DHX40: variants seen among roughly 807,000 people sequenced by gnomAD.
DHX40 encodes probable ATP-dependent RNA helicase DHX40.
A neutral mutation model predicts 89.6 loss-of-function variants in DHX40; 28 were observed. The ratio of observed to expected loss-of-function variants is 0.31; its 90% CI spans 0.23 to 0.43. The LOEUF is 0.43. Among genes scored for constraint, DHX40 ranks in the 20% least tolerant of loss-of-function variants. The pLI, the probability that DHX40 is intolerant of heterozygous loss-of-function variation, is 1.00. For missense variants in DHX40, 457 were observed against 844.0 expected (o/e 0.54, Z 5.68); for synonymous variants, 226 against 283.6 (o/e 0.80, Z 2.04).
At chr17:59,566,522 C>A in intron 1 of DHX40, 105 bp from the exon 2 acceptor site, 2 of 1,122,956 alleles carry the variant, frequency 1.8e-6, no homozygotes, top group South Asian at 1.7e-5. Context: ...TGGATGATCC[C>A]GTCCAGCCCT....
intron 14 of DHX40, among the ~76,000 whole-genome samples, chr17:59,601,611 A>G (rs1433617019): frequency 5.3e-5 from 8 of 152,218 alleles, no homozygotes; most frequent in Non-Finnish European, 8.8e-5. Context: ...ATAATAAAAT[A>G]TAATTAGATC....
chr17:59,566,285 G>C (rs2048703918), intron 1 of DHX40, among the ~76,000 whole-genome samples: 1 of 152,216 alleles, frequency 6.6e-6, no homozygotes. Flanking sequence ...CTGTGTTCCA[G>C]TTTTTGGTCT....
intron 2 of DHX40, among the ~76,000 whole-genome samples, chr17:59,567,439 G>GT (rs2048722405): frequency 6.6e-6 from 1 of 152,210 alleles, no homozygotes; most frequent in Non-Finnish European, 1.5e-5. Context: ...GCATCAAGAA[G>GT]TTTCCTCTGC....
rs746559730 is a variant in DHX40 at position 59,607,193 on chromosome 17, A to G, written c.*21A>G. On this transcript the variant is annotated 3_prime_UTR_variant, in exon 18 of 18. Transcript: ENST00000251241. ...GCTAAGGTGGTGAACCCTCCAATTC[A>G]GGAAGTGGGAAAAGGAGCCAGGAAA... 1 of 1,614,224 alleles carries G rather than the reference A, an allele frequency of 6.2e-7. No individual in the cohort carries two copies. Among genetic ancestry groups the G allele is most frequent in the South Asian group, 1.1e-5 (1 of 91,086 alleles).
At position 59,588,020 on chromosome 17, in the gene DHX40, A is replaced by C; in HGVS notation, c.1549A>C (p.Met517Leu). The C allele has an allele frequency of 6.2e-7, 1 of 1,613,682 alleles. No homozygotes were observed. Among genetic ancestry groups the C allele is most frequent in the Non-Finnish European group, 8.5e-7 (1 of 1,179,760 alleles). The change falls in exon 12 of 18, where the codon ATG (methionine) becomes CTG (leucine). Residue 517 changes from methionine to leucine, a missense_variant. Met to Leu is a conservative substitution (Grantham distance 15). This residue lies in a region of DHX40 where 19 missense variants were observed against 24.2 expected (regional missense o/e 0.78). Transcript: ENST00000251241. The stretch of plus-strand genomic sequence containing the variant: ...AGATCTACTACTTCCAATAGCAGCA[A>C]TGTTGTCTGTGGAAAACGTCTTCAT... ...CEDLLLPIAAMLSVENVFIRP... is the reference protein window; with the variant it reads ...CEDLLLPIAALLSVENVFIRP...
chr17:59,567,245 G>GGTATTTTAA (rs1567853194), intron 2 of DHX40, among the ~76,000 whole-genome samples: 2 of 152,176 alleles, frequency 1.3e-5, no homozygotes, highest in African/African-American at 4.8e-5. Flanking sequence ...AATACGTTAA[G>GGTATTTTAA]TAAAGTTAAT....
Position 59,577,359 on chromosome 17 carries a change from G to A in DHX40, c.1067G>A (p.Gly356Glu). 1.2e-6 allele frequency: 2 copies of A among 1,613,228 alleles called. No homozygotes were observed. The highest frequency in any genetic ancestry group is 1.7e-6 in the Non-Finnish European group (2 of 1,179,390). ...NISATSLTID[G>E]IRYVVDGGFV... ...TCTGCAACGTCTTTGACAATAGATG[G>A]AATCAGGTAAAACTTTTGAACTTTC... is the stretch of plus-strand genomic sequence containing the variant. The change falls in exon 8 of 18, where the codon GGA (glycine) becomes GAA (glutamate). Residue 356 changes from glycine to glutamate, a missense_variant. By Grantham distance (98) the Gly-to-Glu change is moderately conservative (BLOSUM62 -2). Coordinates refer to ENST00000251241, the MANE Select transcript of DHX40 (RefSeq NM_024612.5).
intron 11 of DHX40, among the ~76,000 whole-genome samples, chr17:59,586,662 T>TC (rs2049001336): frequency 6.7e-6 from 1 of 148,362 alleles, no homozygotes. Context: ...CGAAACTCCA[T>TC]CTGAAAAAAA....
chr17:59,573,280 T>A, intron 4 of DHX40, 45 bp downstream of exon 4: 1 of 1,538,946 alleles, frequency 6.5e-7, no homozygotes, highest in Non-Finnish European at 8.7e-7. Flanking sequence ...GCAAGTAGTT[T>A]GTTTGGGTAG....
In DHX40 at chr17:59,607,015, A is replaced by C. The variant is rs2030906476; in HGVS notation, c.2201-18A>C. ...TCTCAAAGCTAAGTTTTATTGGATTAATTTGTAATGTTTTCAGATGGAATA... is the reference window on the plus strand; with the variant it reads ...TCTCAAAGCTAAGTTTTATTGGATTCATTTGTAATGTTTTCAGATGGAATA... On this transcript the variant is annotated intron_variant, in intron 17 of 17. Transcript: ENST00000251241. The C allele has an allele frequency of 6.2e-7, 1 of 1,603,654 alleles. No individual in the cohort carries two copies. Among genetic ancestry groups the C allele is most frequent in the Non-Finnish European group, 8.5e-7 (1 of 1,173,120 alleles).
At chr17:59,570,702 T>C in intron 3 of DHX40, 39 bp downstream of exon 3, 1 of 1,583,196 alleles carries the variant, frequency 6.3e-7, no homozygotes, top group Non-Finnish European at 8.6e-7. Context: ...TTTTCTTTTA[T>C]GGGACAGGGT....
chr17:59,571,363 AG>A (rs2048805370), intron 3 of DHX40, among the ~76,000 whole-genome samples: 2 of 151,660 alleles, frequency 1.3e-5, no homozygotes, highest in South Asian at 4.2e-4. Context: ...AGGCTGAGGC[AG>A]GAAAATGGCT....
chr17:59,576,967 T>G (rs1478455701), intron 7 of DHX40: 2 of 349,374 alleles, frequency 5.7e-6, no homozygotes, highest in African/African-American at 4.3e-5. Flanking sequence ...CCTCCCAGAT[T>G]CAAGCAATTC....
chr17:59,591,609 A>G (rs1001007337), intron 12 of DHX40, among the ~76,000 whole-genome samples: 6 of 151,110 alleles, frequency 4.0e-5, no homozygotes, highest in Admixed American at 3.9e-4. Flanking sequence ...TTATTCTTAT[A>G]TAATTTCAAA....
intron 12 of DHX40, among the ~76,000 whole-genome samples, chr17:59,588,595 G>A (rs906148252): frequency 2.6e-5 from 4 of 152,132 alleles, no homozygotes; most frequent in African/African-American, 7.2e-5. Context: ...GCCTCCCAAA[G>A]TGCTGGGATT....
At chr17:59,567,988 A>G (rs1311327165) in intron 2 of DHX40, among the ~76,000 whole-genome samples, 10 of 152,092 alleles carry the variant, frequency 6.6e-5, no homozygotes, top group African/African-American at 2.4e-4. Flanking sequence ...TAATCCCAGC[A>G]CTTTGGGAGG....
At chr17:59,602,764 G>C (rs1263323013) in intron 15 of DHX40, 148 bp downstream of exon 15, 3 of 736,484 alleles carry the variant, frequency 4.1e-6, no homozygotes, top group Non-Finnish European at 6.3e-6. Context: ...GAGCTACAGT[G>C]ACGAGGGAGA....
intron 12 of DHX40, among the ~76,000 whole-genome samples, chr17:59,597,811 T>TGTAGTCCCA (rs1380316716): frequency 6.6e-6 from 1 of 151,094 alleles, no homozygotes; most frequent in Non-Finnish European, 1.5e-5. Context: ...GGCGGGCGCC[T>TGTAGTCCCA]GTAGTCCCAG....
At chr17:59,576,739 A>C (rs2048887139) in intron 7 of DHX40, among the ~76,000 whole-genome samples, 1 of 152,070 alleles carries the variant, frequency 6.6e-6, no homozygotes, top group Non-Finnish European at 1.5e-5. Flanking sequence ...AAAACCCATT[A>C]TGTTTGGTTT....
Sources: allele counts gnomAD v4.1 joint callset (sites outside exome capture counted in the v4.1 genomes callset), GRCh38; gene constraint gnomAD v4.1.1; regional missense constraint gnomAD v4.1.1; transcripts MANE v1.5; gene names NCBI Gene and HGNC (gene_info 2026-07-23, HGNC 2026-07-21).